GRB10: variants seen among roughly 807,000 people sequenced by gnomAD.
GRB10 encodes the protein growth factor receptor-bound protein 10.
A neutral mutation model predicts 80.9 loss-of-function variants in GRB10; 20 were observed. That is an observed-to-expected ratio of 0.25 (90% CI 0.17 to 0.36). The LOEUF (loss-of-function observed/expected upper bound fraction) is 0.36. Ranked by LOEUF, GRB10 falls within the 10% of genes least tolerant of loss-of-function variation. The probability of loss-of-function intolerance (pLI) is 1.00; values close to 1 mark genes in which losing one functional copy is unlikely to be tolerated. For missense variants in GRB10, 548 were observed against 747.7 expected (o/e 0.73, Z 3.12); for synonymous variants, 291 against 291.5 (o/e 1.00, Z 0.02).
At chr7:50,791,635 G>T (rs1360620376) in intron 1 of GRB10, among the ~76,000 whole-genome samples, 1 of 152,232 alleles carries the variant, frequency 6.6e-6, no homozygotes, top group Non-Finnish European at 1.5e-5. Context: ...AAATGCTACA[G>T]AAGTATCAGT....
intron 3 of GRB10, among the ~76,000 whole-genome samples, chr7:50,734,031 A>G (rs1415190582): frequency 6.6e-6 from 1 of 152,014 alleles, no homozygotes; most frequent in Non-Finnish European, 1.5e-5. Flanking sequence ...AAATCTTTAT[A>G]TATTGAATAC....
At chr7:50,673,374 TAC>T (rs1362300721) in intron 6 of GRB10, among the ~76,000 whole-genome samples, 2 of 152,170 alleles carry the variant, frequency 1.3e-5, no homozygotes, top group African/African-American at 2.4e-5. Flanking sequence ...AGCTTGATTC[TAC>T]AAAGATCTTC....
chr7:50,744,350 T>A (rs867464567), intron 3 of GRB10, among the ~76,000 whole-genome samples: 109 of 152,266 alleles, frequency 7.2e-4, no homozygotes, highest in Non-Finnish European at 1.1e-3. Context: ...CTGGGAATAT[T>A]GGCATGGAGA....
intron 17 of GRB10, among the ~76,000 whole-genome samples, chr7:50,603,507 G>T (rs991792227): frequency 1.3e-5 from 2 of 152,160 alleles, no homozygotes; most frequent in Admixed American, 6.5e-5. Flanking sequence ...AACCAAACAC[G>T]AGTGAACCTA....
At chr7:50,611,603 G>T (rs887514018) in intron 13 of GRB10, among the ~76,000 whole-genome samples, 2 of 152,276 alleles carry the variant, frequency 1.3e-5, no homozygotes, top group African/African-American at 2.4e-5. Flanking sequence ...GCACTAGGAT[G>T]TATCCTTAAT....
intron 7 of GRB10, among the ~76,000 whole-genome samples, chr7:50,642,426 CACAT>C (rs1199841689): frequency 5.9e-5 from 9 of 152,138 alleles, no homozygotes; most frequent in Admixed American, 4.6e-4. Context: ...CATGCACAAA[CACAT>C]ACACACATGC....
Position 50,592,927 on chromosome 7 carries a change from T to C in GRB10, c.*25A>G. The C allele has an allele frequency of 6.2e-7, 1 of 1,613,428 alleles. No homozygotes were observed. The highest frequency in any genetic ancestry group is 8.5e-7 in the Non-Finnish European group (1 of 1,179,366). The stretch of plus-strand genomic sequence containing the variant: ...TCACTCCAGTGTTCACTTCCTCCAG[T>C]CTTCAGCCGAGAGGACATCTGCGGT... On this transcript the variant is annotated 3_prime_UTR_variant, in exon 19 of 19. Coordinates refer to ENST00000401949, the MANE Select transcript of GRB10 (RefSeq NM_001350814.2).
rs974647840 is a variant in GRB10 at position 50,592,497 on chromosome 7, C to T, written c.*455G>A. ...TCTTTCTGTATTATATGAGTTGAAA[C>T]GCCACATCCCCCTCCTACAATAGGC... is the stretch of plus-strand genomic sequence containing the variant. On this transcript the variant is annotated 3_prime_UTR_variant, in exon 19 of 19. Transcript: ENST00000401949. The T allele has an allele frequency of 9.4e-6, 2 of 212,314 alleles. No individual in the cohort carries two copies. Among genetic ancestry groups the T allele is most frequent in the Admixed American group, 5.3e-5 (1 of 18,942 alleles). 13.2% of individuals were successfully genotyped at this position (212,314 alleles called of 1,614,324 possible).
At chr7:50,775,174 C>CAAAAAAAAAAAA (rs1305513693) in intron 2 of GRB10, among the ~76,000 whole-genome samples, 1 of 71,452 alleles carries the variant, frequency 1.4e-5, no homozygotes, top group Non-Finnish European at 2.7e-5. Flanking sequence ...AAAAAAAAAA[C>CAAAAAAAAAAAA]AAAAAAAAAC....
chr7:50,655,591 C>T (rs566838887), intron 7 of GRB10, among the ~76,000 whole-genome samples: 1 of 152,206 alleles, frequency 6.6e-6, no homozygotes, highest in African/African-American at 2.4e-5. Context: ...CCAGATAACA[C>T]GTCAGCATCT....
intron 5 of GRB10, among the ~76,000 whole-genome samples, chr7:50,686,174 G>A (rs2062082337): frequency 6.6e-6 from 1 of 152,148 alleles, no homozygotes; most frequent in South Asian, 2.1e-4. Context: ...GCCTTTGGGA[G>A]GTGATTGGGT....
intron 7 of GRB10, among the ~76,000 whole-genome samples, chr7:50,651,097 A>G (rs1002461265): frequency 5.9e-5 from 9 of 152,188 alleles, no homozygotes; most frequent in African/African-American, 2.2e-4. Flanking sequence ...TTAATTATTC[A>G]ACTATATATT....
At chr7:50,730,848 C>T (rs536535156) in intron 4 of GRB10, among the ~76,000 whole-genome samples, 1 of 152,156 alleles carries the variant, frequency 6.6e-6, no homozygotes, top group Admixed American at 6.5e-5. Flanking sequence ...TATTCTATAC[C>T]CAGCCGAGGA....
At chr7:50,780,125 G>A (rs1281854286) in intron 2 of GRB10, among the ~76,000 whole-genome samples, 1 of 152,178 alleles carries the variant, frequency 6.6e-6, no homozygotes, top group South Asian at 2.1e-4. Flanking sequence ...CATGAAAACA[G>A]AAGAAATGTG....
At chr7:50,696,568 CT>C (rs1007214303) in intron 5 of GRB10, among the ~76,000 whole-genome samples, 2 of 152,232 alleles carry the variant, frequency 1.3e-5, no homozygotes, top group African/African-American at 2.4e-5. Flanking sequence ...ACTCTATCTG[CT>C]TTTGTACACA....
intron 2 of GRB10, among the ~76,000 whole-genome samples, chr7:50,774,129 A>G (rs1423571496): frequency 6.6e-6 from 1 of 152,262 alleles, no homozygotes; most frequent in Non-Finnish European, 1.5e-5. Context: ...GATTCTATTC[A>G]CATGAAATGT....
chr7:50,722,997 CA>C (rs1191864544), intron 4 of GRB10, among the ~76,000 whole-genome samples: 3 of 152,132 alleles, frequency 2.0e-5, no homozygotes, highest in African/African-American at 2.4e-5. Context: ...CTGCAAATGC[CA>C]AGAACCTGAC....
intron 14 of GRB10, 51 bp from the exon 15 acceptor site, chr7:50,605,457 G>A (rs2048361599): frequency 1.4e-6 from 2 of 1,411,080 alleles, no homozygotes; most frequent in Non-Finnish European, 2.0e-6. Context: ...AAGGCAGAGT[G>A]GAGTCTTGGC....
intron 17 of GRB10, among the ~76,000 whole-genome samples, chr7:50,601,215 TAAAC>T (rs1301570053): frequency 1.3e-5 from 2 of 152,334 alleles, no homozygotes; most frequent in East Asian, 3.9e-4. Flanking sequence ...GACAGAAGGA[TAAAC>T]AAACACTAAT....
Sources: gnomAD v4.1 joint callset for allele counts (sites outside exome capture counted in the v4.1 genomes callset) on GRCh38, gnomAD v4.1.1 for gene constraint, MANE v1.5 for transcripts, NCBI Gene and HGNC (gene_info 2026-07-23, HGNC 2026-07-21) for gene names.